Variants in SMC6 observed in about 807,000 individuals in gnomAD.
The protein encoded by SMC6 is structural maintenance of chromosomes 6, also known as structural maintenance of chromosomes protein 6.
SMC6 carries 79 observed loss-of-function variants against 142.2 expected under a neutral mutation model. That is an observed-to-expected ratio of 0.56 (90% CI 0.46 to 0.67). SMC6 has a LOEUF of 0.67. SMC6 is among the 30% of genes least tolerant of loss of function. SMC6 has a pLI of 0.00. For synonymous variants in SMC6, 411 were observed against 412.4 expected, an observed-to-expected ratio of 1.00 and a Z score of 0.04; for missense variants, 1,072 against 1,284.0, an observed-to-expected ratio of 0.83 and a Z score of 2.52.
At chr2:17,713,577 G>A (rs1166289086) in intron 16 of SMC6, 1 of 468,776 alleles carries the variant, frequency 2.1e-6, no homozygotes, top group African/African-American at 2.0e-5. Context: ...TATTCTCTTT[G>A]GTCCTAAAAT....
chr2:17,730,112 G>A (rs951853868), intron 7 of SMC6, among the ~76,000 whole-genome samples: 2 of 152,156 alleles, frequency 1.3e-5, no homozygotes, highest in Non-Finnish European at 1.5e-5. Flanking sequence ...CAGTAACCAC[G>A]TCTAGACAGC....
At chr2:17,703,070 T>C in intron 19 of SMC6, 87 bp downstream of exon 19, 6 of 841,786 alleles carry the variant, frequency 7.1e-6, no homozygotes, top group South Asian at 2.2e-5. Flanking sequence ...TGAGAATTGC[T>C]TGGAGTCAAT....
chr2:17,725,056 C>G (rs907203999), intron 9 of SMC6, among the ~76,000 whole-genome samples: 1 of 152,132 alleles, frequency 6.6e-6, no homozygotes, highest in Non-Finnish European at 1.5e-5. Flanking sequence ...GACATGTACA[C>G]AGTCATTATT....
intron 24 of SMC6, chr2:17,679,308 C>T (rs1401777082): frequency 4.6e-5 from 8 of 172,950 alleles, no homozygotes; most frequent in Non-Finnish European, 8.6e-5. Context: ...TACCCTAATA[C>T]ATTATAAAGG....
chr2:17,734,380 C>G (rs573793821), intron 5 of SMC6, among the ~76,000 whole-genome samples: 1 of 152,216 alleles, frequency 6.6e-6, no homozygotes, highest in South Asian at 2.1e-4. Context: ...GATTATGCCT[C>G]AGAAAAATCA....
chr2:17,669,569 C>A (rs571290375), intron 26 of SMC6, among the ~76,000 whole-genome samples: 167 of 152,154 alleles, frequency 1.1e-3, no homozygotes, highest in South Asian at 2.3e-3. Flanking sequence ...AACAGGAAAA[C>A]CAGGAAAGAG....
At chr2:17,708,946 T>A (rs1349132230) in intron 16 of SMC6, among the ~76,000 whole-genome samples, 193 bp from the exon 17 acceptor site, 1 of 152,074 alleles carries the variant, frequency 6.6e-6, no homozygotes, top group African/African-American at 2.4e-5. Context: ...TTTATTTATT[T>A]AGCATTTATA....
chr2:17,734,154 C>G (rs1670035153), intron 5 of SMC6, among the ~76,000 whole-genome samples: 2 of 152,128 alleles, frequency 1.3e-5, no homozygotes, highest in Non-Finnish European at 2.9e-5. Flanking sequence ...CACACAGAGA[C>G]AGCCAGAGAT....
chr2:17,707,562 A>G (rs964781902), intron 17 of SMC6, among the ~76,000 whole-genome samples, 183 bp from the exon 18 acceptor site: 1 of 152,080 alleles, frequency 6.6e-6, no homozygotes, highest in Non-Finnish European at 1.5e-5. Context: ...TAGAAGAATG[A>G]AAACTATTTA....
At chr2:17,733,318 A>G (rs1356377176) in intron 5 of SMC6, among the ~76,000 whole-genome samples, 1 of 152,248 alleles carries the variant, frequency 6.6e-6, no homozygotes, top group Non-Finnish European at 1.5e-5. Context: ...TAGCAACGAT[A>G]TAATTTTCCA....
intron 9 of SMC6, 122 bp from the exon 10 acceptor site, chr2:17,721,383 T>A (rs994617869): frequency 2.8e-5 from 28 of 992,172 alleles, no homozygotes; most frequent in Non-Finnish European, 3.8e-5. Flanking sequence ...CGTTTAAAAA[T>A]AACTTCTATT....
At chr2:17,684,477 G>C (rs531901625) in intron 23 of SMC6, among the ~76,000 whole-genome samples, 1 of 152,124 alleles carries the variant, frequency 6.6e-6, no homozygotes, top group Non-Finnish European at 1.5e-5. Flanking sequence ...AAACTTATTA[G>C]AACAGTGTTG....
chr2:17,699,155 T>C (rs569491546), intron 21 of SMC6, among the ~76,000 whole-genome samples: 20 of 152,256 alleles, frequency 1.3e-4, no homozygotes, highest in Admixed American at 5.9e-4. Flanking sequence ...TTCCCCCTTT[T>C]ATTTTTCCTA....
intron 16 of SMC6, among the ~76,000 whole-genome samples, chr2:17,711,866 G>T (rs959090078): frequency 2.6e-5 from 4 of 152,154 alleles, no homozygotes; most frequent in Admixed American, 2.6e-4. Context: ...TGATCCACGC[G>T]ATTCGGCCTC....
At chr2:17,694,807 T>C (rs1035596079) in intron 23 of SMC6, among the ~76,000 whole-genome samples, 2 of 152,212 alleles carry the variant, frequency 1.3e-5, no homozygotes, top group South Asian at 2.1e-4. Context: ...ATATTAGTGT[T>C]ATTTTCATCC....
intron 3 of SMC6, among the ~76,000 whole-genome samples, chr2:17,742,770 T>G (rs990933863): frequency 1.3e-5 from 2 of 152,216 alleles, no homozygotes; most frequent in African/African-American, 4.8e-5. Context: ...CAGATTCACG[T>G]GCAATCCTTA....
At chr2:17,745,741 T>G in intron 3 of SMC6, 86 bp downstream of exon 3, 1 of 1,369,874 alleles carries the variant, frequency 7.3e-7, no homozygotes, top group Non-Finnish European at 9.7e-7. Flanking sequence ...TACTTTTTCT[T>G]GATTTTAAGT....
chr2:17,696,347 T>G lies in SMC6; in HGVS notation c.2474A>C (p.His825Pro). 6.2e-7 allele frequency: 1 copy of G among 1,610,738 alleles called. No homozygotes were observed. Among genetic ancestry groups the G allele is most frequent in the Non-Finnish European group, 8.5e-7 (1 of 1,179,276 alleles). Residue 825 changes from histidine (H) to proline (P), a missense_variant, in exon 22 of 28, where the codon CAC becomes CCC. By Grantham distance (77) the His-to-Pro change is moderately conservative. Around this residue, in one of 3 missense-constraint regions of SMC6, gnomAD observed 994 missense variants for 1,153.2 expected, o/e 0.86. Coordinates refer to ENST00000448223, the MANE Select transcript of SMC6 (RefSeq NM_001142286.2). ...TTTCTTTTTATTTAAGGTATCCAAG[T>G]GTTCTTTTTGTTTTTCTTCATAATG... ...KRHYEEKQKE[H>P]LDTLNKKKRE...
At chr2:17,717,379 A>G (rs1391208035) in intron 12 of SMC6, among the ~76,000 whole-genome samples, 1 of 152,182 alleles carries the variant, frequency 6.6e-6, no homozygotes, top group Admixed American at 6.5e-5. Context: ...TCTCTACTTT[A>G]AAAAATAGAA....
Sources: gnomAD v4.1 joint callset for allele counts (sites outside exome capture counted in the v4.1 genomes callset) on GRCh38, gnomAD v4.1.1 for gene constraint, gnomAD v4.1.1 regional missense constraint, MANE v1.5 for transcripts, NCBI Gene and HGNC (gene_info 2026-07-23, HGNC 2026-07-21) for gene names.